The following PRKAR2A variants were observed in gnomAD, a reference collection of about 807,000 sequenced individuals.
PRKAR2A encodes cAMP-dependent protein kinase type II-alpha regulatory subunit.
A neutral mutation model predicts 51.9 loss-of-function variants in PRKAR2A; 29 were observed. The observed-to-expected ratio is 0.56, with a 90% CI of 0.42 to 0.76. PRKAR2A has a LOEUF of 0.76. Among genes scored for constraint, PRKAR2A ranks in the 30% least tolerant of loss-of-function variants. The pLI is 0.00. For missense variants in PRKAR2A, 445 were observed against 512.1 expected (o/e 0.87, Z 1.26); for synonymous variants, 178 against 186.2 (o/e 0.96, Z 0.36).
chr3:48,751,248 G>T lies in PRKAR2A; in HGVS notation c.*337C>A. 1 of 484,752 alleles carries T rather than the reference G, an allele frequency of 2.1e-6. No homozygotes were observed. Among genetic ancestry groups the T allele is most frequent in the East Asian group, 5.9e-5 (1 of 17,080 alleles). The allele number at this position is 484,752 out of a possible 1,614,324, so 30.0% of individuals were successfully genotyped here. A position where few individuals can be genotyped will look rare whatever the true frequency, so the allele number is the denominator to read the frequency against. Reference sequence around the variant, plus strand: ...TCCAAAAGCAAGAGTAGCAGCAAGAGAGGAAAGGAGCATGTTTATACTTTG... The same window carrying T: ...TCCAAAAGCAAGAGTAGCAGCAAGATAGGAAAGGAGCATGTTTATACTTTG... On this transcript the variant is annotated 3_prime_UTR_variant, in exon 11 of 11. Transcript: ENST00000265563.
intron 6 of PRKAR2A, among the ~76,000 whole-genome samples, chr3:48,767,065 G>A (rs1186998882): frequency 6.6e-6 from 1 of 152,206 alleles, no homozygotes; most frequent in Admixed American, 6.5e-5. Context: ...AGATACATGT[G>A]AGAATGTTAA....
chr3:48,751,800 C>T (rs1290505206), intron 10 of PRKAR2A, 82 bp from the exon 11 acceptor site: 1 of 1,503,996 alleles, frequency 6.6e-7, no homozygotes, highest in African/African-American at 1.4e-5. Flanking sequence ...CATACCCATT[C>T]ATGTTGTATG....
intron 5 of PRKAR2A, among the ~76,000 whole-genome samples, chr3:48,774,360 C>T (rs372703152): frequency 3.2e-4 from 49 of 152,098 alleles, no homozygotes; most frequent in African/African-American, 1.2e-3. Flanking sequence ...GTCACCTTAT[C>T]ATGCTATAAA....
At chr3:48,800,694 G>C (rs573093458) in intron 2 of PRKAR2A, among the ~76,000 whole-genome samples, 2 of 151,470 alleles carry the variant, frequency 1.3e-5, no homozygotes, top group Non-Finnish European at 2.9e-5. Context: ...TTTTTGAGAC[G>C]GAGTCTTGCT....
chr3:48,752,916 C>CTTTTTTTTTT (rs59163654), intron 9 of PRKAR2A, among the ~76,000 whole-genome samples: 2 of 47,542 alleles, frequency 4.2e-5, no homozygotes, highest in African/African-American at 9.8e-5. Context: ...TTCCCTCCTC[C>CTTTTTTTTTT]TTTTTTTTTT....
chr3:48,792,762 A>G (rs1328729198), intron 3 of PRKAR2A, among the ~76,000 whole-genome samples: 12 of 152,066 alleles, frequency 7.9e-5, no homozygotes, highest in Non-Finnish European at 1.3e-4. Context: ...CACCCAACCT[A>G]TAACATCAAT....
At chr3:48,815,291 C>CACACAT (rs970275561) in intron 1 of PRKAR2A, among the ~76,000 whole-genome samples, 2 of 151,912 alleles carry the variant, frequency 1.3e-5, no homozygotes, top group African/African-American at 4.8e-5. Context: ...CATACATACA[C>CACACAT]ACACATACAC....
intron 2 of PRKAR2A, among the ~76,000 whole-genome samples, chr3:48,806,164 T>A (rs954711434): frequency 2.6e-5 from 4 of 152,230 alleles, no homozygotes; most frequent in African/African-American, 9.6e-5. Flanking sequence ...AACAGATTTT[T>A]ATGTGGAATG....
chr3:48,804,703 A>G (rs2082646998), intron 2 of PRKAR2A, among the ~76,000 whole-genome samples: 1 of 152,158 alleles, frequency 6.6e-6, no homozygotes, highest in Non-Finnish European at 1.5e-5. Flanking sequence ...AATGCTTGTC[A>G]TACCAGAGTA....
intron 1 of PRKAR2A, among the ~76,000 whole-genome samples, chr3:48,819,843 G>A (rs991929386): frequency 1.3e-5 from 2 of 152,166 alleles, no homozygotes; most frequent in Admixed American, 1.3e-4. Context: ...ATACCACTGT[G>A]TCAACCCACC....
chr3:48,793,978 T>C lies in PRKAR2A; in HGVS notation c.351+19A>G, dbSNP rs1427774735. 1 of 1,570,206 alleles carries C rather than the reference T, an allele frequency of 6.4e-7. No homozygotes were observed. Among genetic ancestry groups the C allele is most frequent in the African/African-American group, 1.4e-5 (1 of 74,028 alleles). ...AGAAATAGAACAATTCTACCTAACA[T>C]CTTTGCTTTGGGTCTTACCCTTGGA... On this transcript the variant is annotated intron_variant, in intron 3 of 10. Coordinates refer to ENST00000265563, the MANE Select transcript of PRKAR2A (RefSeq NM_004157.4).
At chr3:48,755,346 G>A (rs185362272) in intron 9 of PRKAR2A, among the ~76,000 whole-genome samples, 76 of 151,552 alleles carry the variant, frequency 5.0e-4, no homozygotes, top group Admixed American at 2.1e-3. Context: ...ATATTAACTC[G>A]ACTTAGTATT....
intron 1 of PRKAR2A, among the ~76,000 whole-genome samples, chr3:48,823,071 CT>C (rs1281759433): frequency 1.3e-3 from 192 of 144,718 alleles, no homozygotes; most frequent in East Asian, 2.6e-3. Flanking sequence ...TTTTAAGTGA[CT>C]TTTTTTTTTT....
chr3:48,765,022 TC>T lies in PRKAR2A; in HGVS notation c.854del (p.Gly285GlufsTer4), dbSNP rs1431516776. On this transcript the variant is annotated frameshift_variant, in exon 8 of 11. Coordinates refer to ENST00000265563, the MANE Select transcript of PRKAR2A (RefSeq NM_004157.4). LOFTEE classifies it high-confidence loss of function. ...DVIGEKIYKD[G>X]ERIITQGEKA... is the part of the protein sequence containing the mutation. ...CACTCACCTGAGTGATTATGCGTTC[TC>T]CATCCTTATAGATCTTCTCTCCTAT... 6.2e-7 allele frequency: 1 copy of T among 1,614,178 alleles called. No individual in the cohort carries two copies. The highest frequency in any genetic ancestry group is 2.2e-5 in the East Asian group (1 of 44,888).
At chr3:48,768,355 A>G (rs1327859711) in intron 6 of PRKAR2A, among the ~76,000 whole-genome samples, 1 of 151,902 alleles carries the variant, frequency 6.6e-6, no homozygotes, top group Non-Finnish European at 1.5e-5. Context: ...AGACAGACAG[A>G]GAGACAGACA....
At chr3:48,802,521 T>C (rs895070781) in intron 2 of PRKAR2A, among the ~76,000 whole-genome samples, 1 of 150,666 alleles carries the variant, frequency 6.6e-6, no homozygotes. Flanking sequence ...CTGGCAAACA[T>C]GGCAAAACCT....
chr3:48,768,369 A>T (rs1280887084), intron 6 of PRKAR2A, among the ~76,000 whole-genome samples: 1 of 152,044 alleles, frequency 6.6e-6, no homozygotes, highest in Admixed American at 6.6e-5. Flanking sequence ...ACAGACAGAC[A>T]GACACACACA....
intron 1 of PRKAR2A, among the ~76,000 whole-genome samples, chr3:48,808,867 A>C (rs1575912242): frequency 3.5e-5 from 2 of 57,166 alleles, no homozygotes; most frequent in Non-Finnish European, 7.2e-5. Flanking sequence ...CTGGTCTTGA[A>C]CTCCTGACAG....
intron 4 of PRKAR2A, among the ~76,000 whole-genome samples, chr3:48,784,042 CACAT>C (rs1249688130): frequency 1.3e-5 from 2 of 152,116 alleles, no homozygotes; most frequent in African/African-American, 2.4e-5. Context: ...TTGCATACAG[CACAT>C]ACAATTACTT....
Sources: allele counts gnomAD v4.1 joint callset (sites outside exome capture counted in the v4.1 genomes callset), GRCh38; gene constraint gnomAD v4.1.1; transcripts MANE v1.5; gene names NCBI Gene and HGNC (gene_info 2026-07-23, HGNC 2026-07-21).